The following TWSG1 variants were observed in gnomAD, a reference collection of about 807,000 sequenced individuals.
TWSG1 encodes the protein twisted gastrulation BMP signaling modulator 1, also known as twisted gastrulation protein homolog 1.
Under a neutral mutation model 23.0 loss-of-function variants are expected in TWSG1, and 15 were observed. The ratio of observed to expected loss-of-function variants is 0.65; its 90% CI spans 0.44 to 1.00. The LOEUF is 1.00. TWSG1 is among the 50% of genes least tolerant of loss of function. TWSG1 has a pLI of 0.00. For missense variants in TWSG1, 242 were observed against 278.7 expected, an observed-to-expected ratio of 0.87 and a Z score of 0.94; for synonymous variants, 86 against 92.8, an observed-to-expected ratio of 0.93 and a Z score of 0.42.
intron 2 of TWSG1, among the ~76,000 whole-genome samples, chr18:9,346,864 G>A (rs775073698): frequency 1.3e-5 from 2 of 152,280 alleles, no homozygotes; most frequent in Non-Finnish European, 2.9e-5. Context: ...TAATTGCTGC[G>A]TTGTAGGGTA....
At chr18:9,378,591 C>T (rs749682314) in intron 3 of TWSG1, among the ~76,000 whole-genome samples, 2 of 152,114 alleles carry the variant, frequency 1.3e-5, no homozygotes, top group Non-Finnish European at 2.9e-5. Flanking sequence ...GTGAGAATTA[C>T]AAAACACTTT....
chr18:9,337,595 C>G (rs528183368), intron 2 of TWSG1, among the ~76,000 whole-genome samples: 1 of 152,158 alleles, frequency 6.6e-6, no homozygotes, highest in South Asian at 2.1e-4. Context: ...ATAAACATGT[C>G]ATTACAAGGT....
chr18:9,375,454 C>G (rs1448995345), intron 3 of TWSG1, among the ~76,000 whole-genome samples: 4 of 152,170 alleles, frequency 2.6e-5, no homozygotes, highest in Non-Finnish European at 5.9e-5. Context: ...CCTCTTATCA[C>G]TGCTTTTCAA....
intron 3 of TWSG1, among the ~76,000 whole-genome samples, chr18:9,382,069 A>G (rs1049547378): frequency 2.0e-5 from 3 of 148,370 alleles, no homozygotes; most frequent in African/African-American, 2.5e-5. Context: ...GTATCTTTCA[A>G]TAATATTTTT....
intron 3 of TWSG1, among the ~76,000 whole-genome samples, chr18:9,372,316 G>C (rs779416681): frequency 6.7e-6 from 1 of 149,820 alleles, no homozygotes; most frequent in African/African-American, 2.5e-5. Flanking sequence ...TTATAAATTA[G>C]GCATAGTAAG....
intron 2 of TWSG1, among the ~76,000 whole-genome samples, chr18:9,344,144 G>A (rs183452407): frequency 6.6e-5 from 10 of 152,274 alleles, no homozygotes; most frequent in Admixed American, 3.3e-4. Flanking sequence ...GTCCTCAAAC[G>A]ATCCTCCTGC....
chr18:9,365,213 C>T (rs1213541906), intron 3 of TWSG1, among the ~76,000 whole-genome samples: 3 of 152,068 alleles, frequency 2.0e-5, no homozygotes, highest in Non-Finnish European at 2.9e-5. Flanking sequence ...GTCCCAGCTA[C>T]TTGGGAGGTT....
At chr18:9,380,148 T>G (rs1005978773) in intron 3 of TWSG1, among the ~76,000 whole-genome samples, 2 of 152,212 alleles carry the variant, frequency 1.3e-5, no homozygotes, top group African/African-American at 4.8e-5. Context: ...TGGAATATTT[T>G]GTGAAACTTA....
At chr18:9,350,780 G>A (rs746868908) in intron 2 of TWSG1, among the ~76,000 whole-genome samples, 1 of 152,132 alleles carries the variant, frequency 6.6e-6, no homozygotes, top group East Asian at 1.9e-4. Flanking sequence ...AGAACAACAT[G>A]CTAATGAGGT....
chr18:9,396,616 T>C, intron 4 of TWSG1, 70 bp downstream of exon 4: 1 of 1,523,478 alleles, frequency 6.6e-7, no homozygotes, highest in Non-Finnish European at 8.8e-7. Flanking sequence ...CTATAAAACC[T>C]ATATAAGACC....
At chr18:9,394,017 A>G (rs1173785612) in intron 3 of TWSG1, among the ~76,000 whole-genome samples, 1 of 152,212 alleles carries the variant, frequency 6.6e-6, no homozygotes, top group Non-Finnish European at 1.5e-5. Flanking sequence ...AAAACCACAA[A>G]TAGAACTACC....
intron 2 of TWSG1, among the ~76,000 whole-genome samples, chr18:9,340,059 A>G (rs897745669): frequency 2.0e-5 from 3 of 152,080 alleles, no homozygotes; most frequent in Admixed American, 6.6e-5. Context: ...ATGGTAGACT[A>G]CTTGGATTTA....
rs142278436 is a variant in TWSG1 at position 9,356,748 on chromosome 18, T to C, written c.124-3224T>C. On this transcript the variant is annotated intron_variant, in intron 2 of 4. Transcript: ENST00000262120. The stretch of plus-strand genomic sequence containing the variant: ...AAAGGAAATGCTCATTGAAAGAGTT[T>C]AGATTTTTGGATACAGGATGCTCAA... 3.9e-5 allele frequency among the ~76,000 whole-genome samples: 6 copies of C among 152,258 alleles called. No homozygotes were observed. The East Asian group carries it at 1.2e-3, about 29-fold the overall frequency.
At chr18:9,379,041 T>A (rs6506658) in intron 3 of TWSG1, among the ~76,000 whole-genome samples, 1 of 152,162 alleles carries the variant, frequency 6.6e-6, no homozygotes, top group African/African-American at 2.4e-5. Context: ...GGCGAAGTTG[T>A]GGAGAAAAGG....
intron 3 of TWSG1, among the ~76,000 whole-genome samples, chr18:9,377,187 T>C (rs767013279): frequency 6.6e-6 from 1 of 151,852 alleles, no homozygotes; most frequent in African/African-American, 2.4e-5. Context: ...GGTAATACAG[T>C]GGAGCAAAGA....
chr18:9,344,490 C>CGT lies in TWSG1; in HGVS notation c.123+7138_123+7139insGT, dbSNP rs1491456878. Among the ~76,000 whole-genome samples, 137 of 112,982 alleles carry CGT rather than the reference C, an allele frequency of 1.2e-3. 5 individuals are homozygous for CGT. Among genetic ancestry groups the CGT allele is most frequent in the East Asian group, 2.1e-3 (8 of 3,724 alleles). The allele number at this position is 112,982 out of a possible 152,430, so 74.1% of individuals were successfully genotyped here. Reference sequence around the variant, plus strand: ...CATCTTTTTATGTGCTTAGTGAATGCATGTGTGTGTGTGTGTGTGTGTGTG... The same window carrying CGT: ...CATCTTTTTATGTGCTTAGTGAATGCGTATGTGTGTGTGTGTGTGTGTGTGTG... On this transcript the variant is annotated intron_variant, in intron 2 of 4. Transcript: ENST00000262120.
At chr18:9,341,280 G>A (rs939411133) in intron 2 of TWSG1, among the ~76,000 whole-genome samples, 9 of 152,190 alleles carry the variant, frequency 5.9e-5, no homozygotes, top group African/African-American at 1.7e-4. Flanking sequence ...GGCTAGGTGA[G>A]CTCAAAATTT....
intron 3 of TWSG1, among the ~76,000 whole-genome samples, chr18:9,361,410 A>G (rs1055463855): frequency 2.6e-5 from 4 of 152,106 alleles, no homozygotes; most frequent in African/African-American, 9.7e-5. Flanking sequence ...TTGGCTGTCT[A>G]TTCCTTTGTA....
chr18:9,340,367 CAAAA>C (rs775837207), intron 2 of TWSG1, among the ~76,000 whole-genome samples: 1 of 67,098 alleles, frequency 1.5e-5, no homozygotes, highest in African/African-American at 5.9e-5. Context: ...GACTCCATTT[CAAAA>C]AAAAAAAAAA....
Sources: allele counts gnomAD v4.1 joint callset (sites outside exome capture counted in the v4.1 genomes callset), GRCh38; gene constraint gnomAD v4.1.1; transcripts MANE v1.5; gene names NCBI Gene and HGNC (gene_info 2026-07-23, HGNC 2026-07-21).